ACTR10: variants seen among roughly 807,000 people sequenced by gnomAD.
ACTR10 encodes the protein actin related protein 10, also known as actin-related protein 10.
In ACTR10, 43 loss-of-function variants were observed where a neutral mutation model predicts 56.2. The ratio of observed to expected loss-of-function variants is 0.77; its 90% CI spans 0.60 to 0.99. ACTR10 has a LOEUF of 0.99. Among genes scored for constraint, ACTR10 ranks in the 50% least tolerant of loss-of-function variants. The pLI is 0.00. For synonymous variants in ACTR10, 170 were observed against 176.3 expected (o/e 0.96, Z 0.28); for missense variants, 466 against 507.8 (o/e 0.92, Z 0.79).
intron 10 of ACTR10, among the ~76,000 whole-genome samples, chr14:58,229,508 C>T (rs1030542866): frequency 6.6e-6 from 1 of 151,866 alleles, no homozygotes; most frequent in Non-Finnish European, 1.5e-5. Context: ...GAAACCCCGT[C>T]TCTACTAAAA....
At position 58,228,476 on chromosome 14, in the gene ACTR10, G is replaced by A. The variant is rs573865088; in HGVS notation, c.789-1923G>A. Among the ~76,000 whole-genome samples, 32 of 152,086 alleles carry A rather than the reference G, an allele frequency of 2.1e-4. No homozygotes were observed. The South Asian group carries it at 4.4e-3, about 21-fold the overall frequency. ...TCTACTGAAAATATACAAAAAATTA[G>A]CTGGGCGTGGTGGCACAGGCCTGTA... On this transcript the variant is annotated intron_variant, in intron 10 of 12. Transcript: ENST00000254286.
chr14:58,201,670 A>G (rs189529941), intron 1 of ACTR10, among the ~76,000 whole-genome samples: 12 of 152,352 alleles, frequency 7.9e-5, no homozygotes, highest in Middle Eastern at 3.4e-3. Context: ...ACATGAAACA[A>G]AAATGGAAAT....
At position 58,209,115 on chromosome 14, in the gene ACTR10, T is replaced by A. The variant is rs866737585; in HGVS notation, c.342+8T>A. ...CTTTTCAAATATTTTGAGGTACCTG[T>A]CTTTATATCAAATAAGTAAATTGCT... On this transcript the variant is annotated splice_region_variant and intron_variant, in intron 4 of 12. Coordinates refer to ENST00000254286, the MANE Select transcript of ACTR10 (RefSeq NM_018477.3). 2 of 1,515,004 alleles carry A rather than the reference T, an allele frequency of 1.3e-6. No homozygotes were observed. The highest frequency in any genetic ancestry group is 3.5e-4 in the Middle Eastern group (2 of 5,784). The allele number at this position is 1,515,004 out of a possible 1,614,324, so 93.8% of individuals were successfully genotyped here.
rs373827125 is a variant in ACTR10, at chr14:58,202,055, G to T, written c.78-800G>T. 5.2e-4 allele frequency among the ~76,000 whole-genome samples: 79 copies of T among 150,722 alleles called. 2 individuals are homozygous for T. The South Asian group carries it at 0.015, about 29-fold the overall frequency. On this transcript the variant is annotated intron_variant, in intron 1 of 12. Coordinates refer to ENST00000254286, the MANE Select transcript of ACTR10 (RefSeq NM_018477.3). The stretch of plus-strand genomic sequence containing the variant: ...AATGAAGATTATGTTAATATGGGCA[G>T]AAGCTTACTGTATGAGTTAATTATG...
intron 1 of ACTR10, among the ~76,000 whole-genome samples, chr14:58,201,946 T>A (rs117544858): frequency 0.026 from 3,743 of 145,778 alleles, 62 homozygotes; most frequent in Non-Finnish European, 0.041. Flanking sequence ...GAGGCTGCAG[T>A]GATCTGAGTT....
rs1594817918 is a variant in ACTR10, at chr14:58,234,623, G to A, written c.*72G>A. 1 of 1,439,678 alleles carries A rather than the reference G, an allele frequency of 6.9e-7. No homozygotes were observed. The highest frequency in any genetic ancestry group is 2.3e-5 in the East Asian group (1 of 43,340). 89.2% of individuals were successfully genotyped at this position (1,439,678 alleles called of 1,614,324 possible). A position where few individuals can be genotyped will look rare whatever the true frequency, so the allele number is the denominator to read the frequency against. Reference sequence around the variant, plus strand: ...ATTATAAGCAAATTGTACAAAGTATGTAGGATGTTTTGTTATAGAGGACTA... The same window carrying A: ...ATTATAAGCAAATTGTACAAAGTATATAGGATGTTTTGTTATAGAGGACTA... On this transcript the variant is annotated 3_prime_UTR_variant, in exon 13 of 13. Transcript: ENST00000254286.
intron 10 of ACTR10, among the ~76,000 whole-genome samples, chr14:58,228,681 CTTTTTTTTTTTTT>C (rs35498207): frequency 3.7e-4 from 15 of 40,788 alleles, no homozygotes; most frequent in East Asian, 9.7e-4. Flanking sequence ...GCAAGACAGA[CTTTTTTTTTTTTT>C]TTTTTTTTTT....
At chr14:58,232,406 T>TTTA in intron 12 of ACTR10, 139 bp downstream of exon 12, 1 of 100,654 alleles carries the variant, frequency 9.9e-6, no homozygotes, top group Non-Finnish European at 1.9e-5. Context: ...GACTTTTTCT[T>TTTA]TTTTTTTTTT....
chr14:58,213,640 G>A lies in ACTR10; in HGVS notation c.460G>A (p.Gly154Arg). The part of the protein sequence containing the change: ...RESLVLPIYE[G>R]IPVLNCWGAL... ...CTTGACTACTCTATAGATATATGAA[G>A]GAATCCCAGTTCTAAATTGTTGGGG... is the stretch of plus-strand genomic sequence containing the variant. The change falls in exon 6 of 13, where the codon GGA becomes AGA. Residue 154 changes from glycine (G) to arginine (R), a missense_variant. Physicochemically the swap from Gly to Arg is moderately radical, Grantham distance 125 (BLOSUM62 -2). Coordinates refer to ENST00000254286, the MANE Select transcript of ACTR10 (RefSeq NM_018477.3). 6.2e-7 allele frequency: 1 copy of A among 1,610,644 alleles called. No individual in the cohort carries two copies. The highest frequency in any genetic ancestry group is 8.5e-7 in the Non-Finnish European group (1 of 1,177,746).
chr14:58,223,864 CTTAAA>C lies in ACTR10; in HGVS notation c.788+11_788+15del. 1 of 1,596,078 alleles carries C rather than the reference CTTAAA, an allele frequency of 6.3e-7. No individual in the cohort carries two copies. The highest frequency in any genetic ancestry group is 8.5e-7 in the Non-Finnish European group (1 of 1,171,206). The stretch of plus-strand genomic sequence containing the variant: ...TATCCTTGGATCAATCAGGTTAGAT[CTTAAA>C]TTTTTACGGCAAAGTAGTAAACTAA... On this transcript the variant is annotated intron_variant, in intron 10 of 12. Coordinates refer to ENST00000254286, the MANE Select transcript of ACTR10 (RefSeq NM_018477.3).
intron 10 of ACTR10, among the ~76,000 whole-genome samples, chr14:58,228,615 T>G (rs1396939827): frequency 7.3e-6 from 1 of 136,610 alleles, no homozygotes; most frequent in Non-Finnish European, 1.5e-5. Context: ...AAAAAAAAAG[T>G]CCGACATATT....
At chr14:58,221,637 A>T (rs1329358611) in intron 8 of ACTR10, among the ~76,000 whole-genome samples, 1 of 152,088 alleles carries the variant, frequency 6.6e-6, no homozygotes, top group African/African-American at 2.4e-5. Flanking sequence ...CAGCATACAC[A>T]TATTCATTGT....
chr14:58,221,775 A>G (rs1889276305), intron 8 of ACTR10, among the ~76,000 whole-genome samples: 1 of 151,746 alleles, frequency 6.6e-6, no homozygotes, highest in Non-Finnish European at 1.5e-5. Context: ...AAAATTAACC[A>G]GGCATGGTGG....
Position 58,208,011 on chromosome 14 carries a change from T to G in ACTR10, c.226T>G (p.Tyr76Asp). 6.6e-7 allele frequency: 1 copy of G among 1,507,480 alleles called. No individual in the cohort carries two copies. The highest frequency in any genetic ancestry group is 8.8e-7 in the Non-Finnish European group (1 of 1,135,610). 93.4% of individuals were successfully genotyped at this position (1,507,480 alleles called of 1,614,324 possible). A position where few individuals can be genotyped will look rare whatever the true frequency, so the allele number is the denominator to read the frequency against. Residue 76 changes from tyrosine to aspartate, a missense_variant, in exon 3 of 13, where the codon TAT becomes GAT. By Grantham distance (160) the Tyr-to-Asp change is radical. Coordinates refer to ENST00000254286, the MANE Select transcript of ACTR10 (RefSeq NM_018477.3). ...SYLKEFIHIL[Y>D]FRHLLVNPRD... ...CCTAAAGGAATTCATCCACATACTA[T>G]ATTTCAGGTAAGATACATTTTGTTT...
intron 8 of ACTR10, among the ~76,000 whole-genome samples, chr14:58,221,041 T>G (rs976856667): frequency 6.6e-6 from 1 of 152,040 alleles, no homozygotes; most frequent in Non-Finnish European, 1.5e-5. Context: ...CCCAGCACTT[T>G]GGGAGGCCGA....
At chr14:58,215,745 CCTT>C (rs1213792991) in intron 7 of ACTR10, among the ~76,000 whole-genome samples, 3 of 152,088 alleles carry the variant, frequency 2.0e-5, no homozygotes, top group East Asian at 1.9e-4. Context: ...TGGGCCTGAT[CCTT>C]CTTCTGAACT....
chr14:58,213,604 A>G (rs1005385257), intron 5 of ACTR10, 27 bp from the exon 6 acceptor site: 2 of 1,518,370 alleles, frequency 1.3e-6, no homozygotes, highest in African/African-American at 2.8e-5. Context: ...ATCTCCTAAA[A>G]TAGTAGTATC....
Position 58,230,438 on chromosome 14 carries a change from A to G in ACTR10, c.828A>G (p.Glu276=). 6.3e-7 allele frequency: 1 copy of G among 1,589,736 alleles called. No homozygotes were observed. Among genetic ancestry groups the G allele is most frequent in the East Asian group, 2.3e-5 (1 of 43,632 alleles). ...VVEILFEQDN[E]EQSVATLILD... ...AAATTCTTTTTGAACAAGATAATGA[A>G]GAGCAATCAGTTGCCACTTTAATAT... The change falls in exon 11 of 13, where the codon GAA becomes GAG. Residue 276 remains glutamate, a synonymous_variant. Coordinates refer to ENST00000254286, the MANE Select transcript of ACTR10 (RefSeq NM_018477.3).
Position 58,203,614 on chromosome 14 carries a change from A to C in ACTR10, c.150+687A>C, listed in dbSNP as rs566479119. Reference sequence around the variant, plus strand: ...AAATGGAATCATATATCAAGAGAAAAATTTTAACTTCAGTAAAATACTTTT... The same window carrying C: ...AAATGGAATCATATATCAAGAGAAACATTTTAACTTCAGTAAAATACTTTT... On this transcript the variant is annotated intron_variant, in intron 2 of 12. Transcript: ENST00000254286. Among the ~76,000 whole-genome samples the C allele has an allele frequency of 8.5e-4, 129 of 152,248 alleles. 1 individual carries two copies. The highest frequency in any genetic ancestry group is 3.4e-3 in the Middle Eastern group (1 of 294).
Sources: gnomAD v4.1 joint callset for allele counts (sites outside exome capture counted in the v4.1 genomes callset) on GRCh38, gnomAD v4.1.1 for gene constraint, MANE v1.5 for transcripts, NCBI Gene and HGNC (gene_info 2026-07-23, HGNC 2026-07-21) for gene names.